C10orf67: variants seen among roughly 807,000 people sequenced by gnomAD.
The protein encoded by C10orf67 is chromosome 10 open reading frame 67, also known as uncharacterized protein C10orf67, mitochondrial.
A neutral mutation model predicts 35.6 loss-of-function variants in C10orf67; 60 were observed. The observed-to-expected ratio is 1.68, with a 90% CI of 1.37 to 2.09. The LOEUF (loss-of-function observed/expected upper bound fraction) is 2.09, where lower values mean the gene tolerates loss of function less well. C10orf67 is among the 30% of genes most tolerant of loss of function. The pLI is 0.00. For synonymous variants in C10orf67, 167 were observed against 115.8 expected (o/e 1.44, Z -2.84); for missense variants, 474 against 330.2 (o/e 1.44, Z -3.38).
At chr10:23,289,219 A>C (rs1380371092) in intron 7 of C10orf67, among the ~76,000 whole-genome samples, 1 of 152,174 alleles carries the variant, frequency 6.6e-6, no homozygotes, top group Non-Finnish European at 1.5e-5. Flanking sequence ...GCTGAAGTGC[A>C]GTGGTGCAAT....
intron 1 of C10orf67, among the ~76,000 whole-genome samples, chr10:23,342,285 G>A (rs186758074): frequency 7.9e-5 from 12 of 151,002 alleles, no homozygotes; most frequent in East Asian, 2.0e-4. Flanking sequence ...CCCCATGTTC[G>A]GTTTCTTCCT....
intron 4 of C10orf67, among the ~76,000 whole-genome samples, chr10:23,314,882 T>G (rs1844641314): frequency 6.6e-6 from 1 of 152,224 alleles, no homozygotes; most frequent in South Asian, 2.1e-4. Context: ...TGTATTCGAT[T>G]GACCAGAAGC....
chr10:23,294,910 T>G (rs1459124563), intron 5 of C10orf67, among the ~76,000 whole-genome samples: 1 of 152,168 alleles, frequency 6.6e-6, no homozygotes, highest in Non-Finnish European at 1.5e-5. Context: ...TTTAGGAAAG[T>G]TTGTTCTTAG....
At chr10:23,288,664 A>C (rs76649850) in intron 7 of C10orf67, among the ~76,000 whole-genome samples, 1 of 152,230 alleles carries the variant, frequency 6.6e-6, no homozygotes, top group Non-Finnish European at 1.5e-5. Context: ...GGCCTGGCTG[A>C]AATCTGAACC....
intron 3 of C10orf67, among the ~76,000 whole-genome samples, chr10:23,322,006 T>G (rs962494823): frequency 1.3e-5 from 2 of 152,164 alleles, no homozygotes; most frequent in Non-Finnish European, 2.9e-5. Context: ...CAAGCTGGTC[T>G]TGAACTCCCA....
At chr10:23,241,506 G>C (rs569509351) in intron 12 of C10orf67, among the ~76,000 whole-genome samples, 48 of 152,216 alleles carry the variant, frequency 3.2e-4, no homozygotes, top group Admixed American at 5.2e-4. Flanking sequence ...GTTGACTGTA[G>C]TAGAGTGAAC....
chr10:23,316,692 C>T (rs1237540674), intron 4 of C10orf67: 2 of 152,864 alleles, frequency 1.3e-5, no homozygotes, highest in African/African-American at 4.8e-5. Flanking sequence ...CTGCTCAGCT[C>T]CCAGCTAAGA....
chr10:23,243,968 G>A (rs947991336), intron 12 of C10orf67, among the ~76,000 whole-genome samples: 7 of 152,216 alleles, frequency 4.6e-5, no homozygotes, highest in African/African-American at 1.2e-4. Context: ...CAGGGCTTAC[G>A]GCAGCCTTGA....
At chr10:23,275,290 G>C (rs1345831253) in intron 8 of C10orf67, among the ~76,000 whole-genome samples, 1 of 152,148 alleles carries the variant, frequency 6.6e-6, no homozygotes, top group Non-Finnish European at 1.5e-5. Flanking sequence ...TTCGAGATCA[G>C]CTTATGCAAC....
intron 13 of C10orf67, among the ~76,000 whole-genome samples, chr10:23,231,746 C>A (rs1403766609): frequency 6.6e-6 from 1 of 152,082 alleles, no homozygotes; most frequent in Non-Finnish European, 1.5e-5. Context: ...AAGTGAGAAC[C>A]AACCTAAGTG....
At chr10:23,334,825 C>T (rs546984211) in intron 1 of C10orf67, among the ~76,000 whole-genome samples, 82 of 152,278 alleles carry the variant, frequency 5.4e-4, no homozygotes, top group African/African-American at 2.0e-3. Context: ...GAAGTAATGC[C>T]AAGAACTGGC....
intron 8 of C10orf67, among the ~76,000 whole-genome samples, chr10:23,272,153 G>A (rs1369762349): frequency 6.6e-6 from 1 of 152,204 alleles, no homozygotes; most frequent in African/African-American, 2.4e-5. Context: ...CTGGGCTCAA[G>A]CAATCCATCA....
chr10:23,292,772 C>A (rs1843759225), intron 5 of C10orf67, among the ~76,000 whole-genome samples: 1 of 150,136 alleles, frequency 6.7e-6, no homozygotes. Context: ...AAAATATGTT[C>A]TTAAATTTTG....
At chr10:23,273,895 G>A (rs1174525761) in intron 8 of C10orf67, among the ~76,000 whole-genome samples, 2 of 152,156 alleles carry the variant, frequency 1.3e-5, no homozygotes, top group African/African-American at 4.8e-5. Context: ...GTTTCTCACA[G>A]GTATTGGGGG....
Position 23,251,341 on chromosome 10 carries a change from T to C in C10orf67, c.1201-650A>G, listed in dbSNP as rs1336320951. ...GTGTTTTCCTTCACTTACTGTGGTC[T>C]CTCCATCTCTTCGTCATAGGCAGCA... On this transcript the variant is annotated intron_variant, in intron 10 of 15. Transcript: ENST00000636213. Among the ~76,000 whole-genome samples, 3 of 152,194 alleles carry C rather than the reference T, an allele frequency of 2.0e-5. No individual in the cohort carries two copies. The East Asian group carries it at 5.8e-4, about 29-fold the overall frequency.
chr10:23,204,455 C>T (rs1841105041), intron 15 of C10orf67, among the ~76,000 whole-genome samples, 200 bp from the exon 16 acceptor site: 1 of 152,128 alleles, frequency 6.6e-6, no homozygotes, highest in African/African-American at 2.4e-5. Flanking sequence ...TATCCTTGGC[C>T]TTCCAGACAG....
At chr10:23,249,689 C>A (rs1204218544) in intron 12 of C10orf67, among the ~76,000 whole-genome samples, 2 of 152,274 alleles carry the variant, frequency 1.3e-5, no homozygotes, top group Admixed American at 1.3e-4. Flanking sequence ...TAGGGCATTG[C>A]CATCCCAGGA....
intron 9 of C10orf67, 22 bp from the exon 10 acceptor site, chr10:23,266,448 CTT>C: frequency 2.5e-6 from 1 of 398,556 alleles, no homozygotes; most frequent in Non-Finnish European, 4.4e-6. Context: ...AAAGACACAA[CTT>C]TGTTATTCTC....
intron 8 of C10orf67, among the ~76,000 whole-genome samples, chr10:23,281,164 T>C (rs1235334481): frequency 6.6e-6 from 1 of 152,240 alleles, no homozygotes; most frequent in Non-Finnish European, 1.5e-5. Flanking sequence ...GAAGGCTTTA[T>C]TGTAATCCAG....
Sources: gnomAD v4.1 joint callset for allele counts (sites outside exome capture counted in the v4.1 genomes callset) on GRCh38, gnomAD v4.1.1 for gene constraint, MANE v1.5 for transcripts, NCBI Gene and HGNC (gene_info 2026-07-23, HGNC 2026-07-21) for gene names.